The following CTIF variants were observed in gnomAD, a reference collection of about 807,000 sequenced individuals.
CTIF encodes the protein cap binding complex dependent translation initiation factor.
A neutral mutation model predicts 66.0 loss-of-function variants in CTIF; 21 were observed. The observed-to-expected ratio is 0.32, with a 90% CI of 0.23 to 0.46. The LOEUF (loss-of-function observed/expected upper bound fraction) is 0.46, where lower values mean the gene tolerates loss of function less well. CTIF is among the 20% of genes least tolerant of loss of function. The pLI is 1.00. For synonymous variants in CTIF, 345 were observed against 326.4 expected (o/e 1.06, Z -0.62); for missense variants, 739 against 812.7 (o/e 0.91, Z 1.10).
At chr18:48,744,570 C>T (rs1023394901) in intron 7 of CTIF, among the ~76,000 whole-genome samples, 1 of 152,110 alleles carries the variant, frequency 6.6e-6, no homozygotes, top group Non-Finnish European at 1.5e-5. Context: ...TTTTCTGACC[C>T]GTCTGAAAGT....
intron 3 of CTIF, among the ~76,000 whole-genome samples, chr18:48,655,453 C>A (rs1250702467): frequency 1.3e-5 from 2 of 152,170 alleles, no homozygotes; most frequent in Admixed American, 6.5e-5. Flanking sequence ...CCCCAGGGAA[C>A]CCCGTGTCCA....
At chr18:48,562,320 C>T (rs2143481674) in intron 1 of CTIF, among the ~76,000 whole-genome samples, 1 of 152,350 alleles carries the variant, frequency 6.6e-6, no homozygotes, top group Middle Eastern at 3.4e-3. Context: ...GGTTAAGTAA[C>T]TTGCCTCAGG....
At chr18:48,786,516 A>G (rs1372094192) in intron 9 of CTIF, among the ~76,000 whole-genome samples, 3 of 152,206 alleles carry the variant, frequency 2.0e-5, no homozygotes, top group Non-Finnish European at 4.4e-5. Flanking sequence ...TGTTAGGAGT[A>G]CTAAATGAGA....
chr18:48,825,384 A>G (rs1016500013), intron 10 of CTIF, among the ~76,000 whole-genome samples: 12 of 152,212 alleles, frequency 7.9e-5, no homozygotes, highest in African/African-American at 2.9e-4. Context: ...GGCACAGGCC[A>G]GGGAGGAGAA....
At chr18:48,788,765 A>G (rs2067730770) in intron 9 of CTIF, among the ~76,000 whole-genome samples, 1 of 152,124 alleles carries the variant, frequency 6.6e-6, no homozygotes. Flanking sequence ...TCCCTTGGGG[A>G]GGTCACTACA....
chr18:48,753,054 C>A (rs1907993408), intron 7 of CTIF, among the ~76,000 whole-genome samples: 1 of 152,226 alleles, frequency 6.6e-6, no homozygotes, highest in African/African-American at 2.4e-5. Context: ...GCCTCCGAGC[C>A]TCACCGCAAC....
intron 10 of CTIF, among the ~76,000 whole-genome samples, chr18:48,845,161 G>T (rs1453048416): frequency 1.3e-5 from 2 of 151,512 alleles, no homozygotes; most frequent in East Asian, 1.9e-4. Context: ...GGGGTTGGGG[G>T]TGGGGGAGAG....
At chr18:48,645,676 C>G (rs1052879807) in intron 3 of CTIF, among the ~76,000 whole-genome samples, 18 of 152,228 alleles carry the variant, frequency 1.2e-4, no homozygotes, top group African/African-American at 4.3e-4. Flanking sequence ...CGAGGTGTCC[C>G]TCTCCTTCCT....
intron 1 of CTIF, among the ~76,000 whole-genome samples, chr18:48,558,142 G>A (rs1192007590): frequency 6.6e-6 from 1 of 152,146 alleles, no homozygotes; most frequent in Non-Finnish European, 1.5e-5. Flanking sequence ...TTAAGGAATG[G>A]CATTCATACC....
At position 48,592,817 on chromosome 18, in the gene CTIF, C is replaced by G. The variant is rs190622903; in HGVS notation, c.-28-26721C>G. Among the ~76,000 whole-genome samples the G allele has an allele frequency of 8.2e-4, 125 of 152,314 alleles. 1 individual carries two copies. Among genetic ancestry groups the G allele is most frequent in the Non-Finnish European group, 1.5e-3 (99 of 68,020 alleles). The stretch of plus-strand genomic sequence containing the variant: ...CCGGGAAGAATCCAAGCCTGCCTGC[C>G]GTTCACAGGTGGCCTTTAGCTCCTT... On this transcript the variant is annotated intron_variant, in intron 1 of 11. Coordinates refer to ENST00000256413, the MANE Select transcript of CTIF (RefSeq NM_014772.3).
At chr18:48,616,800 A>G (rs2090408567) in intron 1 of CTIF, among the ~76,000 whole-genome samples, 1 of 152,200 alleles carries the variant, frequency 6.6e-6, no homozygotes, top group African/African-American at 2.4e-5. Context: ...AACCAAGGCA[A>G]TGCTCTGGCC....
chr18:48,846,719 G>A (rs1224025809), intron 10 of CTIF, among the ~76,000 whole-genome samples: 1 of 144,278 alleles, frequency 6.9e-6, no homozygotes, highest in Non-Finnish European at 1.5e-5. Context: ...GGATAGATGG[G>A]CGGATGGATG....
chr18:48,769,200 T>C (rs1405735551), intron 9 of CTIF, among the ~76,000 whole-genome samples: 1 of 152,244 alleles, frequency 6.6e-6, no homozygotes, highest in Non-Finnish European at 1.5e-5. Context: ...TGTAAACTAA[T>C]TTTAATGTTG....
At chr18:48,732,294 A>T (rs1011557214) in intron 7 of CTIF, among the ~76,000 whole-genome samples, 1 of 152,182 alleles carries the variant, frequency 6.6e-6, no homozygotes, top group Admixed American at 6.5e-5. Flanking sequence ...GTGATGCCTC[A>T]GGGGTAACAG....
intron 1 of CTIF, among the ~76,000 whole-genome samples, chr18:48,552,722 G>C (rs1266207328): frequency 1.3e-5 from 2 of 152,176 alleles, no homozygotes; most frequent in African/African-American, 4.8e-5. Flanking sequence ...TCAGACAGTA[G>C]CGGAGGTTGA....
intron 6 of CTIF, among the ~76,000 whole-genome samples, chr18:48,702,755 C>G (rs995930157): frequency 9.2e-5 from 14 of 151,952 alleles, no homozygotes; most frequent in African/African-American, 2.4e-4. Flanking sequence ...GCCTGCCCAC[C>G]CCCGACTTTC....
intron 10 of CTIF, among the ~76,000 whole-genome samples, chr18:48,849,873 C>T (rs1030454219): frequency 3.3e-5 from 5 of 152,272 alleles, no homozygotes; most frequent in South Asian, 2.1e-4. Context: ...CGTGAGCCAC[C>T]GTGCCCGGCC....
intron 1 of CTIF, among the ~76,000 whole-genome samples, chr18:48,607,984 G>A (rs1027731432): frequency 1.1e-4 from 16 of 152,116 alleles, no homozygotes; most frequent in East Asian, 1.9e-4. Context: ...GCAATCCTTC[G>A]TCCTGATTTA....
intron 2 of CTIF, among the ~76,000 whole-genome samples, chr18:48,629,436 A>G (rs1012812504): frequency 3.3e-5 from 5 of 152,172 alleles, no homozygotes; most frequent in African/African-American, 1.2e-4. Flanking sequence ...TATATAATTT[A>G]TACATATAAT....
Sources: gnomAD v4.1 joint callset for allele counts (sites outside exome capture counted in the v4.1 genomes callset) on GRCh38, gnomAD v4.1.1 for gene constraint, MANE v1.5 for transcripts, NCBI Gene and HGNC (gene_info 2026-07-23, HGNC 2026-07-21) for gene names.